Variants in COL4A6 observed in about 807,000 individuals in gnomAD.
COL4A6 encodes collagen alpha-6(IV) chain.
A neutral mutation model predicts 126.7 loss-of-function variants in COL4A6; 59 were observed. That is an observed-to-expected ratio of 0.47 (90% CI 0.38 to 0.58). COL4A6 has a LOEUF of 0.58. COL4A6 is among the 20% of genes least tolerant of loss of function. COL4A6 has a pLI of 0.00. For synonymous variants in COL4A6, 547 were observed against 496.6 expected (o/e 1.10, Z -1.35); for missense variants, 1,285 against 1,337.3 (o/e 0.96, Z 0.61).
In COL4A6 at chrX:108,201,086, A is replaced by G. The variant is rs151199914; in HGVS notation, c.834+1842T>C. Reference sequence around the variant, plus strand: ...AAGTGCATTGAACAGATGATTTTCCATGCCCCCTTTATTTCTATGGAGTAA... The same window carrying G: ...AAGTGCATTGAACAGATGATTTTCCGTGCCCCCTTTATTTCTATGGAGTAA... On this transcript the variant is annotated intron_variant, in intron 13 of 44. Transcript: ENST00000334504. Among the ~76,000 whole-genome samples, 487 of 111,649 alleles carry G rather than the reference A, an allele frequency of 4.4e-3. 6 individuals are homozygous for G. The highest frequency in any genetic ancestry group is 0.015 in the African/African-American group (455 of 30,695).
At chrX:108,279,369 A>T (rs1290806954) in intron 3 of COL4A6, among the ~76,000 whole-genome samples, 1 of 111,480 alleles carries the variant, frequency 9.0e-6, no homozygotes, top group Non-Finnish European at 1.9e-5. Flanking sequence ...CACACTTTAA[A>T]CCAACAAAGA....
At chrX:108,435,848 A>C (rs2064255940) in intron 2 of COL4A6, among the ~76,000 whole-genome samples, 1 of 111,932 alleles carries the variant, frequency 8.9e-6, no homozygotes, top group Non-Finnish European at 1.9e-5. Context: ...AGTTCCTGCC[A>C]ATCTATTTTT....
At chrX:108,346,059 C>G (rs760757520) in intron 2 of COL4A6, among the ~76,000 whole-genome samples, 2 of 111,206 alleles carry the variant, frequency 1.8e-5, no homozygotes, top group Non-Finnish European at 3.8e-5. Flanking sequence ...CCCCGCACCC[C>G]CCACACACCG....
intron 21 of COL4A6, 151 bp downstream of exon 21, chrX:108,188,366 T>C: frequency 2.0e-6 from 1 of 500,592 alleles, no homozygotes; most frequent in Non-Finnish European, 3.0e-6. Context: ...TAAGAGACTC[T>C]ATAGTCAGAT....
chrX:108,387,677 T>C (rs1208068103), intron 2 of COL4A6, among the ~76,000 whole-genome samples: 1 of 111,979 alleles, frequency 8.9e-6, no homozygotes, highest in Non-Finnish European at 1.9e-5. Flanking sequence ...ACAATTTGAC[T>C]TCCTCTTTTC....
At chrX:108,238,314 C>T (rs1317777105) in intron 3 of COL4A6, among the ~76,000 whole-genome samples, 2 of 109,136 alleles carry the variant, frequency 1.8e-5, no homozygotes, top group Non-Finnish European at 3.8e-5. Flanking sequence ...TCACCATCTT[C>T]GCCAGGTTGG....
rs745969449 is a variant in COL4A6, at chrX:108,377,941, C to CAAAAAAAA, written c.63+59993_63+60000dup. ...TGGGCGACAGAGCAAGACTCCGTCT[C>CAAAAAAAA]AAAAAAAAAAAAAAAAAAAAAAAAA... On this transcript the variant is annotated intron_variant, in intron 2 of 44. Coordinates refer to ENST00000334504, the MANE Select transcript of COL4A6 (RefSeq NM_033641.4). Among the ~76,000 whole-genome samples the CAAAAAAAA allele has an allele frequency of 7.0e-3, 51 of 7,248 alleles. 5 individuals carry two copies. Among genetic ancestry groups the CAAAAAAAA allele is most frequent in the African/African-American group, 0.018 (48 of 2,606 alleles). The allele number at this position is 7,248 out of a possible 115,157, so 6.3% of individuals were successfully genotyped here. A position where few individuals can be genotyped will look rare whatever the true frequency, so the allele number is the denominator to read the frequency against.
intron 3 of COL4A6, among the ~76,000 whole-genome samples, chrX:108,303,915 T>A (rs1407724984): frequency 1.8e-5 from 2 of 111,780 alleles, no homozygotes; most frequent in Non-Finnish European, 1.9e-5. Context: ...CTCACTTCAA[T>A]ACTAGAAAGC....
intron 3 of COL4A6, among the ~76,000 whole-genome samples, chrX:108,302,131 G>A (rs73636396): frequency 0.059 from 6,571 of 110,532 alleles, 409 homozygotes; most frequent in African/African-American, 0.19. Context: ...TTTATACATT[G>A]TTAACAATTA....
rs761414263 is a variant in COL4A6, at chrX:108,387,511, CTGTT to C, written c.63+50427_63+50430del. ...GAGAGTTCACTCATGATTTGGCTCT[CTGTT>C]TGTCTGTTATTGGTGTACAGGAATG... On this transcript the variant is annotated intron_variant, in intron 2 of 44. Transcript: ENST00000334504. Among the ~76,000 whole-genome samples the C allele has an allele frequency of 7.2e-5, 8 of 111,631 alleles. No individual in the cohort carries two copies. In the East Asian group the frequency reaches 1.1e-3, roughly 16 times the overall value.
At chrX:108,338,436 A>G (rs2039484815) in intron 2 of COL4A6, among the ~76,000 whole-genome samples, 1 of 112,149 alleles carries the variant, frequency 8.9e-6, no homozygotes, top group Non-Finnish European at 1.9e-5. Context: ...AATCTTTGTA[A>G]AGAATTAGCA....
At chrX:108,393,553 T>G (rs2040884532) in intron 2 of COL4A6, among the ~76,000 whole-genome samples, 1 of 111,810 alleles carries the variant, frequency 8.9e-6, no homozygotes, top group Non-Finnish European at 1.9e-5. Flanking sequence ...GTTCCAAACT[T>G]GACTGTGGTG....
chrX:108,203,620 T>C (rs2035455089), intron 12 of COL4A6, among the ~76,000 whole-genome samples: 1 of 112,619 alleles, frequency 8.9e-6, no homozygotes, highest in Admixed American at 9.3e-5. Flanking sequence ...CCCTTGGCCA[T>C]GGGAACTGAA....
chrX:108,164,453 G>A (rs1569323766), intron 40 of COL4A6, 147 bp downstream of exon 40: 1 of 532,135 alleles, frequency 1.9e-6, no homozygotes, highest in East Asian at 3.4e-5. Flanking sequence ...CCCCAAGGTA[G>A]AGAAACTGCC....
intron 2 of COL4A6, among the ~76,000 whole-genome samples, chrX:108,377,941 CAAAAAAAA>C (rs745969449): frequency 1.4e-4 from 1 of 7,233 alleles, no homozygotes; most frequent in East Asian, 6.1e-3. Flanking sequence ...GACTCCGTCT[CAAAAAAAA>C]AAAAAAAAAA....
chrX:108,157,320 G>A (rs1037223810), intron 44 of COL4A6, 60 bp from the exon 45 acceptor site: 1 of 1,169,738 alleles, frequency 8.5e-7, no homozygotes, highest in Non-Finnish European at 1.1e-6. Flanking sequence ...TGTGGGGAGG[G>A]GATGGGTGCT....
intron 2 of COL4A6, among the ~76,000 whole-genome samples, chrX:108,388,815 C>T (rs964184538): frequency 2.7e-5 from 3 of 111,342 alleles, no homozygotes; most frequent in African/African-American, 6.5e-5. Context: ...GTTAGTGTGT[C>T]GATTTTAGAT....
At chrX:108,172,365 G>GAAA (rs397935341) in intron 32 of COL4A6, 104 bp downstream of exon 32, 1,492 of 109,051 alleles carry the variant, frequency 0.014, no homozygotes, top group Non-Finnish European at 0.016. Context: ...GCCTAAAAAA[G>GAAA]AAAAAAAAAA....
intron 2 of COL4A6, among the ~76,000 whole-genome samples, chrX:108,383,004 A>AATAATAATAAT: frequency 1.6e-5 from 1 of 63,732 alleles, no homozygotes; most frequent in African/African-American, 5.1e-5. Context: ...ATAATAATAA[A>AATAATAATAAT]CCCTTTTGAT....
Sources: allele counts gnomAD v4.1 joint callset (sites outside exome capture counted in the v4.1 genomes callset), GRCh38; gene constraint gnomAD v4.1.1; transcripts MANE v1.5; gene names NCBI Gene and HGNC (gene_info 2026-07-23, HGNC 2026-07-21).